Variants in ZDHHC4 observed in about 807,000 individuals in gnomAD.
The protein encoded by ZDHHC4 is zDHHC palmitoyltransferase 4.
ZDHHC4 carries 42 observed loss-of-function variants against 36.7 expected under a neutral mutation model. That is an observed-to-expected ratio of 1.14 (90% confidence interval 0.89 to 1.48). ZDHHC4 has a LOEUF of 1.48. Among genes scored for constraint, ZDHHC4 ranks in the 40% most tolerant of loss-of-function variants. ZDHHC4 has a pLI of 0.00. For missense variants in ZDHHC4, 457 were observed against 421.5 expected (o/e 1.08, Z -0.74); for synonymous variants, 189 against 166.6 (o/e 1.13, Z -1.03).
Position 6,580,611 on chromosome 7 carries a change from G to A in ZDHHC4, c.50G>A (p.Gly17Asp), listed in dbSNP as rs745564111. ...FLFYLASVLM[G>D]LVLICVCSKT... ...TTCTACCTGGCTTCGGTGCTGATGG[G>A]TCTTGTTCTTATCTGCGTCTGCTCG... Residue 17 changes from glycine to aspartate, a missense_variant, in exon 3 of 8, where the codon GGT (glycine) becomes GAT (aspartate). Coordinates refer to ENST00000335965, the MANE Select transcript of ZDHHC4 (RefSeq NM_001134389.2). 7 of 1,614,008 alleles carry A rather than the reference G, an allele frequency of 4.3e-6. No individual in the cohort carries two copies. In the African/African-American group the frequency reaches 5.3e-5, roughly 12 times the overall value.
In ZDHHC4 at chr7:6,578,577, C is replaced by T. The variant is rs971017565; in HGVS notation, c.-151C>T. The T allele has an allele frequency of 2.6e-5, 4 of 152,234 alleles. No homozygotes were observed. Among genetic ancestry groups the T allele is most frequent in the Non-Finnish European group, 1.5e-5 (1 of 68,064 alleles). 9.4% of individuals were successfully genotyped at this position (152,234 alleles called of 1,614,324 possible). A position where few individuals can be genotyped will look rare whatever the true frequency, so the allele number is the denominator to read the frequency against. On this transcript the variant is annotated 5_prime_UTR_variant, in exon 2 of 8. Coordinates refer to ENST00000335965, the MANE Select transcript of ZDHHC4 (RefSeq NM_001134389.2). The stretch of plus-strand genomic sequence containing the variant: ...ATCTGTCTCTGCAGCCAGATCCAGG[C>T]TCCTGGAAGAACCATGTCCGGCAGC...
intron 7 of ZDHHC4, 110 bp downstream of exon 7, chr7:6,585,370 T>G: frequency 6.9e-7 from 1 of 1,452,938 alleles, no homozygotes; most frequent in Non-Finnish European, 9.2e-7. Flanking sequence ...ACGCCTATAA[T>G]CCCAGCACTT....
intron 6 of ZDHHC4, chr7:6,583,661 G>A (rs1018017365): frequency 7.6e-5 from 35 of 461,122 alleles, no homozygotes; most frequent in African/African-American, 2.9e-4. Context: ...CCCTTCCCTC[G>A]CCACGTGGCA....
chr7:6,582,429 A>C, intron 5 of ZDHHC4, 178 bp downstream of exon 5: 1 of 604,848 alleles, frequency 1.7e-6, no homozygotes, highest in South Asian at 2.5e-5. Context: ...CCCATGGGTT[A>C]TTTAAAACCA....
At chr7:6,586,989 G>A (rs1206915663) in intron 7 of ZDHHC4, among the ~76,000 whole-genome samples, 5 of 151,050 alleles carry the variant, frequency 3.3e-5, no homozygotes, top group African/African-American at 7.3e-5. Flanking sequence ...TATGTTTTAT[G>A]TTTATATTTC....
In ZDHHC4 at chr7:6,578,622, A is replaced by G. The variant is rs2115143517; in HGVS notation, c.-106A>G. 1 of 152,360 alleles carries G rather than the reference A, an allele frequency of 6.6e-6. No homozygotes were observed. Among genetic ancestry groups the G allele is most frequent in the East Asian group, 1.9e-4 (1 of 5,180 alleles). 9.4% of individuals were successfully genotyped at this position (152,360 alleles called of 1,614,324 possible). A position where few individuals can be genotyped will look rare whatever the true frequency, so the allele number is the denominator to read the frequency against. ...GGCAGCTACTGGTCATGCCAGGCAC[A>G]CACTGCTGCCCAAGAGGAGCTGCTG... On this transcript the variant is annotated 5_prime_UTR_variant, in exon 2 of 8. Transcript: ENST00000335965.
chr7:6,577,868 T>A (rs1235702553), intron 1 of ZDHHC4: 1 of 152,216 alleles, frequency 6.6e-6, no homozygotes, highest in African/African-American at 2.4e-5. Flanking sequence ...GTTTCGCTCT[T>A]GTTTCCCAGG....
At chr7:6,582,025 T>C (rs1257695798) in intron 4 of ZDHHC4, 48 bp from the exon 5 acceptor site, 20 of 1,572,804 alleles carry the variant, frequency 1.3e-5, no homozygotes, top group Non-Finnish European at 1.6e-5. Flanking sequence ...TCATACAATT[T>C]CTTCAAGAAG....
intron 7 of ZDHHC4, among the ~76,000 whole-genome samples, chr7:6,586,774 CCTTA>C (rs1266249105): frequency 6.6e-6 from 1 of 152,106 alleles, no homozygotes; most frequent in African/African-American, 2.4e-5. Context: ...CCGTGCCCGG[CCTTA>C]CTTCATTCTT....
chr7:6,579,139 T>A lies in ZDHHC4; in HGVS notation c.-8+419T>A, dbSNP rs1780656486. The stretch of plus-strand genomic sequence containing the variant: ...ACGGCCGGCCAATTCCAGTACCTTT[T>A]TTTTCTTCTTTTTTTTTCTTAAACC... On this transcript the variant is annotated intron_variant, in intron 2 of 7. Transcript: ENST00000335965. 4.0e-5 allele frequency among the ~76,000 whole-genome samples: 5 copies of A among 123,816 alleles called. No homozygotes were observed. In the South Asian group the frequency reaches 1.2e-3, roughly 30 times the overall value. The allele number at this position is 123,816 out of a possible 152,430, so 81.2% of individuals were successfully genotyped here. A position where few individuals can be genotyped will look rare whatever the true frequency, so the allele number is the denominator to read the frequency against.
intron 6 of ZDHHC4, 76 bp from the exon 7 acceptor site, chr7:6,584,940 G>A (rs1781127139): frequency 1.9e-6 from 3 of 1,575,506 alleles, no homozygotes; most frequent in Non-Finnish European, 1.7e-6. Flanking sequence ...GACAGATTAT[G>A]AAAATCTCAG....
At chr7:6,580,913 C>T in intron 3 of ZDHHC4, 1 of 511,944 alleles carries the variant, frequency 2.0e-6, no homozygotes. Context: ...GAGACCCTGT[C>T]TCAACAACAA....
intron 7 of ZDHHC4, among the ~76,000 whole-genome samples, chr7:6,587,223 T>G (rs1781303458): frequency 6.6e-6 from 1 of 152,108 alleles, no homozygotes; most frequent in Non-Finnish European, 1.5e-5. Flanking sequence ...CACTTTTGAT[T>G]TGAGGTCTTT....
At position 6,585,267 on chromosome 7, in the gene ZDHHC4, A is replaced by T. The variant is rs781146364; in HGVS notation, c.741+7A>T. 1.9e-6 allele frequency: 3 copies of T among 1,604,930 alleles called. No individual in the cohort carries two copies. The highest frequency in any genetic ancestry group is 2.6e-6 in the Non-Finnish European group (3 of 1,173,806). On this transcript the variant is annotated splice_region_variant and intron_variant, in intron 7 of 7. Coordinates refer to ENST00000335965, the MANE Select transcript of ZDHHC4 (RefSeq NM_001134389.2). ...CACGGTCTTTCTTATTCAGGTAATT[A>T]TGCTGTAGGTTTCTGACTTCAAGTT... is the stretch of plus-strand genomic sequence containing the variant.
At chr7:6,583,285 A>G (rs768248463) in intron 5 of ZDHHC4, 21 bp from the exon 6 acceptor site, 3 of 1,613,176 alleles carry the variant, frequency 1.9e-6, no homozygotes, top group South Asian at 2.2e-5. Context: ...CGAAACTGAC[A>G]TATGTCCTTA....
intron 3 of ZDHHC4, among the ~76,000 whole-genome samples, chr7:6,581,300 C>A (rs981043761): frequency 7.9e-5 from 12 of 152,226 alleles, no homozygotes; most frequent in South Asian, 2.1e-4. Flanking sequence ...GGGATTGAAC[C>A]CAGGCTGGGG....
Position 6,578,061 on chromosome 7 carries a change from C to T in ZDHHC4, c.-162-505C>T, listed in dbSNP as rs954561874. ...GTCAGGCTGGTCTCGAACTCCTGAC[C>T]TCAGGTGTTCTACCCGCCTCGGCCT... is the stretch of plus-strand genomic sequence containing the variant. On this transcript the variant is annotated intron_variant, in intron 1 of 7. Transcript: ENST00000335965. Among the ~76,000 whole-genome samples, 7 of 152,242 alleles carry T rather than the reference C, an allele frequency of 4.6e-5. No individual in the cohort carries two copies. The East Asian group carries it at 1.4e-3, about 30-fold the overall frequency.
rs1407185911 is a variant in ZDHHC4 at position 6,580,690 on chromosome 7, C to T, written c.117+12C>T. On this transcript the variant is annotated intron_variant, in intron 3 of 7. Coordinates refer to ENST00000335965, the MANE Select transcript of ZDHHC4 (RefSeq NM_001134389.2). ...GGGGAGGAGCACAGGTAAGGATGATCCTTGGATGGCACTGGAATTTGAATA... is the reference window on the plus strand; with the variant it reads ...GGGGAGGAGCACAGGTAAGGATGATTCTTGGATGGCACTGGAATTTGAATA... The T allele has an allele frequency of 1.9e-6, 3 of 1,608,440 alleles. No individual in the cohort carries two copies. The South Asian group carries it at 3.3e-5, about 18-fold the overall frequency.
chr7:6,581,804 G>T (rs1432315769), intron 4 of ZDHHC4, 124 bp downstream of exon 4: 2 of 854,214 alleles, frequency 2.3e-6, no homozygotes, highest in Non-Finnish European at 3.6e-6. Context: ...AGGCCGGAAA[G>T]AATCACGAGT....
Sources: allele counts gnomAD v4.1 joint callset (sites outside exome capture counted in the v4.1 genomes callset), GRCh38; gene constraint gnomAD v4.1.1; transcripts MANE v1.5; gene names NCBI Gene and HGNC (gene_info 2026-07-23, HGNC 2026-07-21).